DIP2C: variants seen among roughly 807,000 people sequenced by gnomAD.
DIP2C encodes disco-interacting protein 2 homolog C.
DIP2C carries 33 observed loss-of-function variants against 192.4 expected under a neutral mutation model. The observed-to-expected ratio is 0.17, with a 90% CI of 0.13 to 0.23. The LOEUF is 0.23. Among genes scored for constraint, DIP2C ranks in the 10% least tolerant of loss-of-function variants. The pLI is 1.00. For missense variants in DIP2C, 1,537 were observed against 2,110.1 expected (o/e 0.73, Z 5.32); for synonymous variants, 979 against 864.1 (o/e 1.13, Z -2.33).
chr10:295,177 C>T (rs532376230), intron 32 of DIP2C, among the ~76,000 whole-genome samples: 1 of 152,098 alleles, frequency 6.6e-6, no homozygotes, highest in South Asian at 2.1e-4. Context: ...ACAGGCAGAG[C>T]AGCAGCAAGG....
chr10:447,399 G>C (rs566067639), intron 3 of DIP2C, among the ~76,000 whole-genome samples: 1 of 150,584 alleles, frequency 6.6e-6, no homozygotes, highest in African/African-American at 2.5e-5. Flanking sequence ...ACACACAGTG[G>C]GGCAGCAGGA....
chr10:550,185 C>T (rs964413322), intron 1 of DIP2C, among the ~76,000 whole-genome samples: 2 of 151,868 alleles, frequency 1.3e-5, no homozygotes, highest in Non-Finnish European at 2.9e-5. Context: ...AATTTTTGTA[C>T]TTTTAGTAGA....
intron 1 of DIP2C, among the ~76,000 whole-genome samples, chr10:657,996 A>G (rs1388758941): frequency 6.6e-3 from 322 of 48,626 alleles, no homozygotes; most frequent in African/African-American, 0.016. Flanking sequence ...TGGACCTGCC[A>G]CTGGACCTGA....
At chr10:676,995 C>A (rs1322252883) in intron 1 of DIP2C, among the ~76,000 whole-genome samples, 1 of 152,068 alleles carries the variant, frequency 6.6e-6, no homozygotes, top group Non-Finnish European at 1.5e-5. Context: ...TGCTAATTAC[C>A]CTGACTTGCT....
intron 22 of DIP2C, among the ~76,000 whole-genome samples, chr10:358,140 C>T (rs1359527884): frequency 1.3e-5 from 2 of 152,076 alleles, no homozygotes; most frequent in Admixed American, 6.5e-5. Context: ...TCTTCAGAAA[C>T]GATGTTTTTA....
intron 1 of DIP2C, among the ~76,000 whole-genome samples, chr10:517,069 C>T (rs1846411675): frequency 6.6e-6 from 1 of 151,814 alleles, no homozygotes; most frequent in Non-Finnish European, 1.5e-5. Flanking sequence ...GGTCTAGTGG[C>T]ACAGTCAAAC....
At chr10:614,141 C>T (rs1358246980) in intron 1 of DIP2C, among the ~76,000 whole-genome samples, 1 of 152,256 alleles carries the variant, frequency 6.6e-6, no homozygotes, top group Admixed American at 6.5e-5. Context: ...GCCATGCACA[C>T]ATGGAGGCAT....
intron 3 of DIP2C, among the ~76,000 whole-genome samples, chr10:450,045 T>C (rs759286545): frequency 1.4e-4 from 22 of 152,148 alleles, no homozygotes; most frequent in Middle Eastern, 6.8e-3. Flanking sequence ...CCATCTCGAA[T>C]GGGGAATCCA....
rs1357245850 is a variant in DIP2C, at chr10:274,652, CGCT to C, written c.*2670_*2672del. 6.6e-6 allele frequency: 1 copy of C among 152,126 alleles called. No individual in the cohort carries two copies. The highest frequency in any genetic ancestry group is 1.5e-5 in the Non-Finnish European group (1 of 68,012). The allele number at this position is 152,126 out of a possible 1,614,324, so 9.4% of individuals were successfully genotyped here. Reference sequence around the variant, plus strand: ...AACCAGTCACCACACTCTGAAATAACGCTGCTAACATTCAACTGATAAAAGGGA... The same window carrying C: ...AACCAGTCACCACACTCTGAAATAACGCTAACATTCAACTGATAAAAGGGA... On this transcript the variant is annotated 3_prime_UTR_variant, in exon 37 of 37. Transcript: ENST00000280886.
intron 1 of DIP2C, among the ~76,000 whole-genome samples, chr10:564,604 CCTGT>C (rs1464184088): frequency 4.7e-5 from 7 of 149,924 alleles, no homozygotes; most frequent in African/African-American, 1.8e-4. Flanking sequence ...TGGCATTTTG[CCTGT>C]CTCCTTTTGA....
In DIP2C at chr10:341,340, C is replaced by T. The variant is rs746217642; in HGVS notation, c.3454-11G>A. 6.2e-7 allele frequency: 1 copy of T among 1,613,606 alleles called. No individual in the cohort carries two copies. ...GGCTGCGTGAGACATCTGCAAAATA[C>T]AAGGCTGTGTTAAACGCATCGGACC... On this transcript the variant is annotated splice_polypyrimidine_tract_variant and intron_variant, in intron 28 of 36. Transcript: ENST00000280886.
chr10:382,999 C>T (rs1307746028), intron 16 of DIP2C, among the ~76,000 whole-genome samples: 1 of 152,184 alleles, frequency 6.6e-6, no homozygotes, highest in East Asian at 1.9e-4. Context: ...GACAGATGAA[C>T]TTACTTTAGT....
At position 414,010 on chromosome 10, in the gene DIP2C, C is replaced by A. The variant is rs755172392; in HGVS notation, c.960G>T (p.Leu320=). The A allele has an allele frequency of 1.9e-6, 3 of 1,614,148 alleles. No homozygotes were observed. The highest frequency in any genetic ancestry group is 1.7e-6 in the Non-Finnish European group (2 of 1,180,008). ...TGCCCCACCTCTGCAGTGCGGCCTC[C>A]AGCGACGGCGGCCAGTTCGTGACCA... is the stretch of plus-strand genomic sequence containing the variant. ...LGVVTNWPPS[L]EAALQRWGTI... The change falls in exon 8 of 37, where the codon CTG becomes CTT. Residue 320 remains leucine, a synonymous_variant. Transcript: ENST00000280886.
intron 1 of DIP2C, among the ~76,000 whole-genome samples, chr10:619,710 T>G (rs945777435): frequency 1.3e-5 from 2 of 151,998 alleles, no homozygotes; most frequent in Non-Finnish European, 2.9e-5. Context: ...AAGCAATGAG[T>G]GACCACCTGG....
At position 277,259 on chromosome 10, in the gene DIP2C, G is replaced by C; in HGVS notation, c.*66C>G. 1 of 1,580,386 alleles carries C rather than the reference G, an allele frequency of 6.3e-7. No individual in the cohort carries two copies. Among genetic ancestry groups the C allele is most frequent in the African/African-American group, 1.3e-5 (1 of 74,672 alleles). On this transcript the variant is annotated 3_prime_UTR_variant, in exon 37 of 37. Coordinates refer to ENST00000280886, the MANE Select transcript of DIP2C (RefSeq NM_014974.3). Reference sequence around the variant, plus strand: ...GGTGAGTGTTGCCCTGTGTCTGCACGCTTCAGTGGACACGGAGAACAATGT... The same window carrying C: ...GGTGAGTGTTGCCCTGTGTCTGCACCCTTCAGTGGACACGGAGAACAATGT...
intron 3 of DIP2C, among the ~76,000 whole-genome samples, chr10:444,652 C>G (rs952473493): frequency 1.3e-5 from 2 of 150,378 alleles, no homozygotes; most frequent in Non-Finnish European, 3.0e-5. Context: ...CGTCACCTGA[C>G]ACTCGTGTAG....
chr10:281,716 G>C (rs1235019268), intron 35 of DIP2C, among the ~76,000 whole-genome samples: 1 of 152,224 alleles, frequency 6.6e-6, no homozygotes, highest in African/African-American at 2.4e-5. Flanking sequence ...GATCACACGG[G>C]ATACAGTGCA....
chr10:466,325 T>C (rs1182104549), intron 3 of DIP2C, among the ~76,000 whole-genome samples: 1 of 143,412 alleles, frequency 7.0e-6, no homozygotes, highest in East Asian at 2.0e-4. Context: ...CTGGGAAAAC[T>C]GGCTAGCCAT....
At position 579,982 on chromosome 10, in the gene DIP2C, A is replaced by G. The variant is rs568513145; in HGVS notation, c.86-93452T>C. 9.9e-5 allele frequency among the ~76,000 whole-genome samples: 15 copies of G among 151,852 alleles called. No individual in the cohort carries two copies. The South Asian group carries it at 2.9e-3, about 29-fold the overall frequency. On this transcript the variant is annotated intron_variant, in intron 1 of 36. Transcript: ENST00000280886. ...AAGCACAGCCATAGCCAATGTACATATACAGGTACACTATAACATGTATGT... is the reference window on the plus strand; with the variant it reads ...AAGCACAGCCATAGCCAATGTACATGTACAGGTACACTATAACATGTATGT...
Sources: gnomAD v4.1 joint callset for allele counts (sites outside exome capture counted in the v4.1 genomes callset) on GRCh38, gnomAD v4.1.1 for gene constraint, MANE v1.5 for transcripts, NCBI Gene and HGNC (gene_info 2026-07-23, HGNC 2026-07-21) for gene names.